RAB30: variants seen among roughly 807,000 people sequenced by gnomAD.
RAB30 encodes the protein RAB30, member RAS oncogene family, also known as ras-related protein Rab-30.
Under a neutral mutation model 25.1 loss-of-function variants are expected in RAB30, and 9 were observed. The ratio of observed to expected loss-of-function variants is 0.36; its 90% CI spans 0.22 to 0.63. RAB30 has a LOEUF of 0.63. Among genes scored for constraint, RAB30 ranks in the 20% least tolerant of loss-of-function variants. The pLI is 0.69. For synonymous variants in RAB30, 77 were observed against 86.4 expected (o/e 0.89, Z 0.60); for missense variants, 140 against 243.5 (o/e 0.58, Z 2.83).
At chr11:83,026,368 G>C (rs1199855263) in intron 1 of RAB30, among the ~76,000 whole-genome samples, 1 of 152,170 alleles carries the variant, frequency 6.6e-6, no homozygotes, top group Non-Finnish European at 1.5e-5. Flanking sequence ...TTGGATCATG[G>C]GATAGATCCA....
At position 82,980,989 on chromosome 11, in the gene RAB30, A is replaced by G. The variant is rs1229072810; in HGVS notation, c.*1176T>C. 4 of 152,192 alleles carry G rather than the reference A, an allele frequency of 2.6e-5. No individual in the cohort carries two copies. Among genetic ancestry groups the G allele is most frequent in the African/African-American group, 9.7e-5 (4 of 41,450 alleles). 9.4% of individuals were successfully genotyped at this position (152,192 alleles called of 1,614,324 possible). A position where few individuals can be genotyped will look rare whatever the true frequency, so the allele number is the denominator to read the frequency against. ...AGTTCAATCTGCTTCCACGAGCAGA[A>G]TTTTTCTAAGGTTATCATCGAAGAT... On this transcript the variant is annotated 3_prime_UTR_variant, in exon 5 of 5. Transcript: ENST00000527633.
intron 1 of RAB30, among the ~76,000 whole-genome samples, chr11:83,009,225 C>T (rs1205819464): frequency 6.6e-6 from 1 of 152,110 alleles, no homozygotes; most frequent in Non-Finnish European, 1.5e-5. Flanking sequence ...GCCACCATGC[C>T]TGGCTAATTT....
At chr11:82,993,658 T>C (rs939880347) in intron 3 of RAB30, among the ~76,000 whole-genome samples, 1 of 152,216 alleles carries the variant, frequency 6.6e-6, no homozygotes, top group Admixed American at 6.5e-5. Flanking sequence ...TTTAAATAAG[T>C]GATTCATAAT....
At chr11:82,995,781 G>A (rs1856944897) in intron 2 of RAB30, among the ~76,000 whole-genome samples, 1 of 152,122 alleles carries the variant, frequency 6.6e-6, no homozygotes, top group South Asian at 2.1e-4. Flanking sequence ...CCTGGAACCC[G>A]GGTTCTAATC....
At chr11:83,061,617 T>A (rs1251115108) in intron 1 of RAB30, among the ~76,000 whole-genome samples, 2 of 152,012 alleles carry the variant, frequency 1.3e-5, no homozygotes, top group East Asian at 3.8e-4. Context: ...TGTATGTGTG[T>A]AAAGACAAAA....
chr11:83,001,152 A>G (rs1404516465), intron 1 of RAB30, among the ~76,000 whole-genome samples: 4 of 151,102 alleles, frequency 2.6e-5, no homozygotes, highest in Non-Finnish European at 4.4e-5. Context: ...ACCCCTTTCT[A>G]TAAGAAATTA....
chr11:83,013,390 CTT>C (rs960290120), intron 1 of RAB30, among the ~76,000 whole-genome samples: 4 of 152,106 alleles, frequency 2.6e-5, no homozygotes, highest in African/African-American at 9.7e-5. Flanking sequence ...TGGCCAGACA[CTT>C]TATTATTCTT....
At chr11:83,029,973 GTGGGAAC>G (rs1565282971) in intron 1 of RAB30, among the ~76,000 whole-genome samples, 1 of 152,186 alleles carries the variant, frequency 6.6e-6, no homozygotes, top group East Asian at 1.9e-4. Flanking sequence ...TCTTACTTAA[GTGGGAAC>G]TAAGCTGTGA....
intron 3 of RAB30, among the ~76,000 whole-genome samples, chr11:82,992,090 A>G (rs1856862154): frequency 6.6e-6 from 1 of 152,148 alleles, no homozygotes; most frequent in African/African-American, 2.4e-5. Context: ...GAAAACCCAA[A>G]TATCTGGAAG....
intron 1 of RAB30, among the ~76,000 whole-genome samples, chr11:83,054,743 T>A (rs1260206488): frequency 6.6e-6 from 1 of 151,648 alleles, no homozygotes. Flanking sequence ...GGTGTGCACC[T>A]GTAGCCCCAG....
intron 1 of RAB30, among the ~76,000 whole-genome samples, chr11:83,008,842 C>T (rs185769280): frequency 3.7e-4 from 56 of 152,242 alleles, no homozygotes; most frequent in Admixed American, 3.3e-3. Flanking sequence ...ACCAGGCTCC[C>T]TGCAGCCAGT....
chr11:83,009,819 C>T (rs1857266634), intron 1 of RAB30, among the ~76,000 whole-genome samples: 1 of 152,164 alleles, frequency 6.6e-6, no homozygotes, highest in Non-Finnish European at 1.5e-5. Context: ...TTTCAATACT[C>T]ATCAAAAGCC....
At chr11:82,983,325 C>T in intron 4 of RAB30, among the ~76,000 whole-genome samples, 1 of 152,098 alleles carries the variant, frequency 6.6e-6, no homozygotes, top group East Asian at 1.9e-4. Flanking sequence ...TATAATTATA[C>T]AATTAATTTC....
intron 1 of RAB30, among the ~76,000 whole-genome samples, chr11:83,019,588 A>G (rs977563039): frequency 6.6e-6 from 1 of 152,124 alleles, no homozygotes; most frequent in Non-Finnish European, 1.5e-5. Context: ...CCTTCAGGGC[A>G]GCAGACATGC....
In RAB30 at chr11:83,014,756, AAG is replaced by A. The variant is rs755813452; in HGVS notation, c.-8-17434_-8-17433del. 2.0e-4 allele frequency among the ~76,000 whole-genome samples: 30 copies of A among 151,772 alleles called. 1 individual carries two copies. The highest frequency in any genetic ancestry group is 2.1e-4 in the South Asian group (1 of 4,772). ...AAGAAATAAGAAAGAAAAAGAATGA[AAG>A]AGAGAGAAAGAAAGAGAAAGAAAGA... On this transcript the variant is annotated intron_variant, in intron 1 of 4. Coordinates refer to ENST00000527633, the MANE Select transcript of RAB30 (RefSeq NM_001286060.2).
intron 1 of RAB30, among the ~76,000 whole-genome samples, chr11:83,061,213 C>CCTCTCTCT (rs151314585): frequency 6.7e-6 from 1 of 149,452 alleles, no homozygotes; most frequent in African/African-American, 2.4e-5. Flanking sequence ...TCTCTTCCCA[C>CCTCTCTCT]CTCTCTCTCT....
At chr11:83,002,446 C>T (rs1351731566) in intron 1 of RAB30, among the ~76,000 whole-genome samples, 1 of 151,954 alleles carries the variant, frequency 6.6e-6, no homozygotes. Context: ...AGCAAAATCC[C>T]CAATATCATT....
intron 1 of RAB30, among the ~76,000 whole-genome samples, chr11:83,021,999 T>G (rs1857589421): frequency 1.3e-5 from 2 of 152,226 alleles, no homozygotes; most frequent in African/African-American, 4.8e-5. Flanking sequence ...CATAGCTCAA[T>G]GCATCATAGG....
chr11:83,029,664 T>C (rs754670646), intron 1 of RAB30, among the ~76,000 whole-genome samples: 12 of 152,190 alleles, frequency 7.9e-5, no homozygotes, highest in Admixed American at 6.5e-4. Flanking sequence ...CATTATACTA[T>C]TATTATCACA....
Sources: gnomAD v4.1 joint callset for allele counts (sites outside exome capture counted in the v4.1 genomes callset) on GRCh38, gnomAD v4.1.1 for gene constraint, MANE v1.5 for transcripts, NCBI Gene and HGNC (gene_info 2026-07-23, HGNC 2026-07-21) for gene names.